SEPTIN11: variants seen among roughly 807,000 people sequenced by gnomAD.
The protein encoded by SEPTIN11 is septin-11.
SEPTIN11 carries 25 observed loss-of-function variants against 51.4 expected under a neutral mutation model. The observed-to-expected ratio is 0.49, with a 90% CI of 0.35 to 0.68. SEPTIN11 has a LOEUF of 0.68. Ranked by LOEUF, SEPTIN11 falls within the 30% of genes least tolerant of loss-of-function variation. The pLI, the probability that SEPTIN11 is intolerant of heterozygous loss-of-function variation, is 0.00. For missense variants in SEPTIN11, 381 were observed against 520.8 expected, an observed-to-expected ratio of 0.73 and a Z score of 2.61; for synonymous variants, 174 against 184.1, an observed-to-expected ratio of 0.95 and a Z score of 0.44.
Position 77,030,849 on chromosome 4 carries a change from A to T in SEPTIN11, c.1153A>T (p.Lys385Ter). ...AGAAAAGAAGAAAGTGGAAGACAAG[A>T]AGAAGGAGCTTGAGGAGGAGGTGAA... ...QEEKKKVEDK[K>*]KELEEEVNNF... The change falls in exon 9 of 10, where the codon AAG becomes TAG. Residue 385 changes from lysine (K) to a stop codon, truncating the protein, a stop_gained. Coordinates refer to ENST00000264893, the MANE Select transcript of SEPTIN11 (RefSeq NM_018243.4). LOFTEE classifies it high-confidence loss of function. 6.2e-7 allele frequency: 1 copy of T among 1,613,680 alleles called. No homozygotes were observed.
chr4:77,036,076 C>G lies in SEPTIN11; in HGVS notation c.*1564C>G, dbSNP rs1340650137. 1.4e-5 allele frequency: 14 copies of G among 985,758 alleles called. No individual in the cohort carries two copies. The highest frequency in any genetic ancestry group is 1.6e-5 in the Non-Finnish European group (13 of 829,980). The allele number at this position is 985,758 out of a possible 1,614,324, so 61.1% of individuals were successfully genotyped here. On this transcript the variant is annotated 3_prime_UTR_variant, in exon 10 of 10. Transcript: ENST00000264893. ...TTTGATTTCAGCAAAGATTTTTTCTCCTTTTCTTTGTCCTCAACCATACTT... is the reference window on the plus strand; with the variant it reads ...TTTGATTTCAGCAAAGATTTTTTCTGCTTTTCTTTGTCCTCAACCATACTT...
chr4:77,017,374 C>T (rs966142514), intron 5 of SEPTIN11, among the ~76,000 whole-genome samples: 7 of 152,162 alleles, frequency 4.6e-5, no homozygotes, highest in South Asian at 2.1e-4. Context: ...TCAAATTCCA[C>T]GTAATGTCTG....
Position 77,036,178 on chromosome 4 carries a change from C to T in SEPTIN11, c.*1666C>T, listed in dbSNP as rs932488570. ...AGTAAGGAAATTAGTTTCATGGAAG[C>T]CTAAACAAAGCTGGAATAGAAACTA... is the stretch of plus-strand genomic sequence containing the variant. On this transcript the variant is annotated 3_prime_UTR_variant, in exon 10 of 10. Transcript: ENST00000264893. 8 of 987,158 alleles carry T rather than the reference C, an allele frequency of 8.1e-6. No individual in the cohort carries two copies. In the African/African-American group the frequency reaches 1.4e-4, roughly 17 times the overall value. The allele number at this position is 987,158 out of a possible 1,614,324, so 61.1% of individuals were successfully genotyped here. A position where few individuals can be genotyped will look rare whatever the true frequency, so the allele number is the denominator to read the frequency against.
intron 2 of SEPTIN11, among the ~76,000 whole-genome samples, chr4:76,996,883 C>CTTTTTTTT (rs567525535): frequency 7.9e-6 from 1 of 126,332 alleles, no homozygotes; most frequent in Non-Finnish European, 1.6e-5. Context: ...CTAGCCATAT[C>CTTTTTTTT]TTTTTTTTTT....
chr4:77,026,165 G>C (rs886594441), intron 7 of SEPTIN11, among the ~76,000 whole-genome samples: 3 of 152,156 alleles, frequency 2.0e-5, no homozygotes, highest in African/African-American at 7.2e-5. Flanking sequence ...GAGTCATTTA[G>C]TGAGTTCTCA....
chr4:76,996,611 G>A (rs1474031116), intron 2 of SEPTIN11, 72 bp downstream of exon 2: 6 of 1,080,440 alleles, frequency 5.6e-6, no homozygotes, highest in Admixed American at 5.5e-5. Flanking sequence ...GGAGAGACAT[G>A]CTTCAGTGAA....
At chr4:76,976,327 G>T (rs1439993161) in intron 1 of SEPTIN11, among the ~76,000 whole-genome samples, 1 of 151,800 alleles carries the variant, frequency 6.6e-6, no homozygotes, top group African/African-American at 2.4e-5. Context: ...TCCTATACTT[G>T]TGTTAACATA....
At chr4:77,007,604 C>T (rs1560727925) in intron 3 of SEPTIN11, among the ~76,000 whole-genome samples, 2 of 152,150 alleles carry the variant, frequency 1.3e-5, no homozygotes, top group East Asian at 3.9e-4. Flanking sequence ...CTGGAGCCCT[C>T]CTTAAGAAAT....
intron 4 of SEPTIN11, among the ~76,000 whole-genome samples, chr4:77,012,364 A>G (rs1387981985): frequency 2.0e-5 from 3 of 152,214 alleles, no homozygotes. Context: ...CAAGTAAAGC[A>G]AAGTCTTAAT....
intron 3 of SEPTIN11, among the ~76,000 whole-genome samples, chr4:77,008,331 G>A (rs1724628827): frequency 6.6e-6 from 1 of 152,224 alleles, no homozygotes; most frequent in Admixed American, 6.5e-5. Context: ...ATGATAGTTA[G>A]CCCTCAAAGG....
At chr4:76,998,626 A>G (rs1169213146) in intron 2 of SEPTIN11, among the ~76,000 whole-genome samples, 1 of 152,154 alleles carries the variant, frequency 6.6e-6, no homozygotes, top group African/African-American at 2.4e-5. Context: ...CCTCCAACAC[A>G]CACTGAAAAG....
chr4:77,039,844 A>G (rs1727265089), downstream of SEPTIN11: 2 of 637,052 alleles, frequency 3.1e-6, no homozygotes, highest in African/African-American at 4.0e-5. Context: ...TGCATCCCTT[A>G]TATAAGTTGT....
chr4:76,949,983 C>A (rs1049084337), intron 1 of SEPTIN11, 53 bp downstream of exon 1: 1 of 1,398,810 alleles, frequency 7.1e-7, no homozygotes, highest in South Asian at 1.6e-5. Flanking sequence ...GGTCTCTGCT[C>A]TGGGGCGGGT....
downstream of SEPTIN11, among the ~76,000 whole-genome samples, chr4:77,038,836 G>A (rs1727211389): frequency 6.6e-6 from 1 of 151,836 alleles, no homozygotes; most frequent in Non-Finnish European, 1.5e-5. Flanking sequence ...TTTCCCCCAT[G>A]CCTGTCCCTG....
At chr4:77,014,498 T>G (rs1011392493) in intron 4 of SEPTIN11, among the ~76,000 whole-genome samples, 1 of 152,174 alleles carries the variant, frequency 6.6e-6, no homozygotes, top group Non-Finnish European at 1.5e-5. Flanking sequence ...TCCTTTACTC[T>G]GTAAAGAAAA....
At chr4:76,952,271 C>T (rs1721381427) in intron 1 of SEPTIN11, among the ~76,000 whole-genome samples, 1 of 152,170 alleles carries the variant, frequency 6.6e-6, no homozygotes, top group Admixed American at 6.5e-5. Flanking sequence ...TCTGTGATTT[C>T]ACCAAAAGAA....
In SEPTIN11 at chr4:77,028,529, TTATC is replaced by T. The variant is rs1578206203; in HGVS notation, c.954-96_954-93del. Reference sequence around the variant, plus strand: ...TGCTTTGATCTGGCAAGCAGCAGCTTTATCTATGTTTTGAAAGTAGATAGGTAGA... The same window carrying T: ...TGCTTTGATCTGGCAAGCAGCAGCTTTATGTTTTGAAAGTAGATAGGTAGA... On this transcript the variant is annotated intron_variant, in intron 7 of 9. Coordinates refer to ENST00000264893, the MANE Select transcript of SEPTIN11 (RefSeq NM_018243.4). 8.5e-6 allele frequency: 11 copies of T among 1,294,702 alleles called. No homozygotes were observed. The South Asian group carries it at 1.5e-4, about 18-fold the overall frequency. 80.2% of individuals were successfully genotyped at this position (1,294,702 alleles called of 1,614,324 possible).
chr4:77,039,558 T>A (rs115124510), downstream of SEPTIN11: 1,511 of 985,350 alleles, frequency 1.5e-3, 17 homozygotes, highest in African/African-American at 0.024. Context: ...AACAGCCTGA[T>A]CAGGATCCTC....
intron 5 of SEPTIN11, among the ~76,000 whole-genome samples, chr4:77,018,956 C>T (rs1003976106): frequency 5.3e-5 from 8 of 152,220 alleles, no homozygotes; most frequent in African/African-American, 1.7e-4. Context: ...AAGACTCATA[C>T]ACTTTTCCCT....
Sources: allele counts gnomAD v4.1 joint callset (sites outside exome capture counted in the v4.1 genomes callset), GRCh38; gene constraint gnomAD v4.1.1; transcripts MANE v1.5; gene names NCBI Gene and HGNC (gene_info 2026-07-23, HGNC 2026-07-21).